The following ARPC1B variants were observed in gnomAD, a reference collection of about 807,000 sequenced individuals.
ARPC1B encodes the protein actin related protein 2/3 complex subunit 1B.
Under a neutral mutation model 46.0 loss-of-function variants are expected in ARPC1B, and 29 were observed. The observed-to-expected ratio is 0.63, with a 90% CI of 0.47 to 0.86. ARPC1B has a LOEUF of 0.86. Ranked by LOEUF, ARPC1B falls within the 40% of genes least tolerant of loss-of-function variation. The probability of loss-of-function intolerance (pLI) is 0.00; values close to 1 mark genes in which losing one functional copy is unlikely to be tolerated. For synonymous variants in ARPC1B, 201 were observed against 213.9 expected (o/e 0.94, Z 0.53); for missense variants, 469 against 529.4 (o/e 0.89, Z 1.12).
chr7:99,378,044 A>G (rs1794080750), intron 1 of ARPC1B, among the ~76,000 whole-genome samples: 1 of 151,934 alleles, frequency 6.6e-6, no homozygotes, highest in African/African-American at 2.4e-5. Flanking sequence ...ACCATTATAA[A>G]GACAGCTATT....
intron 8 of ARPC1B, 24 bp from the exon 9 acceptor site, chr7:99,394,005 A>C: frequency 1.2e-6 from 2 of 1,610,758 alleles, no homozygotes; most frequent in Non-Finnish European, 1.7e-6. Context: ...GGTTGAATTC[A>C]TAAGCTCCTC....
chr7:99,394,779 TAAAAAA>T lies in ARPC1B; in HGVS notation c.*307_*312del, dbSNP rs773085531. 1.3e-4 allele frequency: 120 copies of T among 957,978 alleles called. No individual in the cohort carries two copies. The highest frequency in any genetic ancestry group is 1.8e-4 in the East Asian group (3 of 16,540). The allele number at this position is 957,978 out of a possible 1,614,324, so 59.3% of individuals were successfully genotyped here. On this transcript the variant is annotated 3_prime_UTR_variant, in exon 10 of 10. Transcript: ENST00000646101. ...GTGGAGGTAATAAAATGCAACTGTG[TAAAAAA>T]AAAAAAAAAAAAAAAAGTAATTATG...
chr7:99,376,871 CAAA>C (rs35540180), intron 1 of ARPC1B, among the ~76,000 whole-genome samples: 5 of 64,004 alleles, frequency 7.8e-5, no homozygotes, highest in Admixed American at 1.8e-4. Flanking sequence ...ACTCTGTCTC[CAAA>C]AAAAAAAAAA....
At position 99,392,872 on chromosome 7, in the gene ARPC1B, G is replaced by T; in HGVS notation, c.985G>T (p.Val329Phe). 1 of 1,541,756 alleles carries T rather than the reference G, an allele frequency of 6.5e-7. No homozygotes were observed. The highest frequency in any genetic ancestry group is 8.8e-7 in the Non-Finnish European group (1 of 1,141,184). ...CCTAGACTCGCTGCACAAGAACAGC[G>T]TCAGGTGAGAGCGGGAGCCGGGCCG... The part of the protein sequence containing the change: ...AGLDSLHKNS[V>F]SQISVLSGGK... Residue 329 changes from valine to phenylalanine, a missense_variant, in exon 8 of 10, where the codon GTC becomes TTC. Coordinates refer to ENST00000646101, the MANE Select transcript of ARPC1B (RefSeq NM_005720.4).
At position 99,390,077 on chromosome 7, in the gene ARPC1B, G is replaced by A; in HGVS notation, c.500+65G>A. ...AACTGACTGCTGACATCATAGCGGG[G>A]AGCCGCACCTGAAAGCTCTACACCC... is the stretch of plus-strand genomic sequence containing the variant. On this transcript the variant is annotated intron_variant, in intron 5 of 9. Transcript: ENST00000646101. The A allele has an allele frequency of 5.6e-6, 8 of 1,436,400 alleles. No homozygotes were observed. In the South Asian group the frequency reaches 5.8e-5, roughly 10 times the overall value. 89.0% of individuals were successfully genotyped at this position (1,436,400 alleles called of 1,614,324 possible).
chr7:99,381,828 T>C (rs59680363), intron 1 of ARPC1B, among the ~76,000 whole-genome samples: 2,981 of 152,316 alleles, frequency 0.02, 79 homozygotes, highest in African/African-American at 0.066. Flanking sequence ...CCCTTGTGCC[T>C]GGGCCCAGAT....
chr7:99,393,184 T>A (rs1457038930), intron 8 of ARPC1B, among the ~76,000 whole-genome samples: 12 of 152,080 alleles, frequency 7.9e-5, no homozygotes, highest in African/African-American at 2.7e-4. Flanking sequence ...TGGCTTTGAC[T>A]CGCTGCGGAA....
chr7:99,375,280 C>T (rs1794000604), intron 1 of ARPC1B, among the ~76,000 whole-genome samples: 1 of 152,188 alleles, frequency 6.6e-6, no homozygotes, highest in Non-Finnish European at 1.5e-5. Flanking sequence ...CCGGAGCCTT[C>T]CGGGTTGCAG....
chr7:99,392,635 T>C (rs1401947027), intron 7 of ARPC1B, 36 bp from the exon 8 acceptor site: 10 of 1,443,636 alleles, frequency 6.9e-6, no homozygotes, highest in Non-Finnish European at 9.1e-6. Context: ...CGGTTTCCCC[T>C]CCGCGGCGCT....
At chr7:99,386,111 C>T (rs1794383084) in intron 2 of ARPC1B, among the ~76,000 whole-genome samples, 2 of 151,738 alleles carry the variant, frequency 1.3e-5, no homozygotes, top group South Asian at 4.2e-4. Context: ...ATTACCTGGG[C>T]GTGGTGGTGG....
intron 1 of ARPC1B, among the ~76,000 whole-genome samples, chr7:99,382,662 T>G (rs1794263237): frequency 6.6e-6 from 1 of 151,936 alleles, no homozygotes; most frequent in Non-Finnish European, 1.5e-5. Flanking sequence ...TTTGTAGAGA[T>G]AGGGTCTCAC....
chr7:99,394,299 C>G, intron 9 of ARPC1B, 152 bp from the exon 10 acceptor site: 1 of 1,045,358 alleles, frequency 9.6e-7, no homozygotes, highest in East Asian at 2.4e-5. Context: ...CACCCGTCTT[C>G]AGGGCCGGGA....
In ARPC1B at chr7:99,394,718, C is replaced by G; in HGVS notation, c.*229C>G. 2 of 1,324,536 alleles carry G rather than the reference C, an allele frequency of 1.5e-6. No individual in the cohort carries two copies. Among genetic ancestry groups the G allele is most frequent in the South Asian group, 2.2e-5 (1 of 45,776 alleles). The allele number at this position is 1,324,536 out of a possible 1,614,324, so 82.0% of individuals were successfully genotyped here. ...TTATTGAAAAAAAAAAAAAATGCCC[C>G]CAAAGCACTATGCTGGTCATGAACT... On this transcript the variant is annotated 3_prime_UTR_variant, in exon 10 of 10. Coordinates refer to ENST00000646101, the MANE Select transcript of ARPC1B (RefSeq NM_005720.4).
intron 1 of ARPC1B, among the ~76,000 whole-genome samples, chr7:99,378,971 G>T (rs1420118965): frequency 2.0e-5 from 3 of 151,644 alleles, no homozygotes; most frequent in African/African-American, 7.3e-5. Flanking sequence ...TAGAGACGGG[G>T]TTTCACCGTT....
intron 4 of ARPC1B, chr7:99,389,415 CTT>C (rs1182624729): frequency 6.3e-6 from 1 of 157,492 alleles, no homozygotes; most frequent in African/African-American, 2.4e-5. Flanking sequence ...GAGATAGGGT[CTT>C]GTCACGTTGT....
intron 1 of ARPC1B, among the ~76,000 whole-genome samples, chr7:99,383,700 C>T (rs1231413229): frequency 2.0e-5 from 3 of 152,162 alleles, no homozygotes; most frequent in Non-Finnish European, 4.4e-5. Context: ...GCCGTGTGTG[C>T]CGGTATCTGG....
At chr7:99,394,261 G>A (rs559145928) in intron 9 of ARPC1B, 142 bp downstream of exon 9, 2 of 1,116,614 alleles carry the variant, frequency 1.8e-6, no homozygotes, top group South Asian at 1.3e-5. Context: ...GCGGCCCCTT[G>A]ACATCTGGGC....
rs751302111 is a variant in ARPC1B, at chr7:99,390,054, C to G, written c.500+42C>G. ...TGGGGGAGGGCGGGGCTGACGTCAA[C>G]TGACTGCTGACATCATAGCGGGGAG... is the stretch of plus-strand genomic sequence containing the variant. On this transcript the variant is annotated intron_variant, in intron 5 of 9. Coordinates refer to ENST00000646101, the MANE Select transcript of ARPC1B (RefSeq NM_005720.4). The G allele has an allele frequency of 1.4e-5, 21 of 1,542,520 alleles. 1 individual carries two copies. The South Asian group carries it at 2.3e-4, about 17-fold the overall frequency.
At chr7:99,377,079 A>G (rs961131191) in intron 1 of ARPC1B, among the ~76,000 whole-genome samples, 1 of 151,708 alleles carries the variant, frequency 6.6e-6, no homozygotes, top group Non-Finnish European at 1.5e-5. Flanking sequence ...TGGCTTGATC[A>G]TAACTCACTT....
Sources: gnomAD v4.1 joint callset for allele counts (sites outside exome capture counted in the v4.1 genomes callset) on GRCh38, gnomAD v4.1.1 for gene constraint, MANE v1.5 for transcripts, NCBI Gene and HGNC (gene_info 2026-07-23, HGNC 2026-07-21) for gene names.